The following THRB variants were observed in gnomAD, a reference collection of about 807,000 sequenced individuals.
The protein encoded by THRB is thyroid hormone receptor beta.
Under a neutral mutation model 47.8 loss-of-function variants are expected in THRB, and 12 were observed. The observed-to-expected ratio is 0.25, with a 90% CI of 0.16 to 0.41. The LOEUF (loss-of-function observed/expected upper bound fraction) is 0.41, where lower values mean the gene tolerates loss of function less well. Among genes scored for constraint, THRB ranks in the 10% least tolerant of loss-of-function variants. The pLI is 1.00. For synonymous variants in THRB, 218 were observed against 212.2 expected (o/e 1.03, Z -0.24); for missense variants, 348 against 589.2 (o/e 0.59, Z 4.24).
At chr3:24,427,377 A>G (rs1351201869) in intron 1 of THRB, among the ~76,000 whole-genome samples, 3 of 152,010 alleles carry the variant, frequency 2.0e-5, no homozygotes, top group Non-Finnish European at 2.9e-5. Context: ...TTCTGTGATT[A>G]AAAATAGCAA....
intron 4 of THRB, among the ~76,000 whole-genome samples, chr3:24,209,035 G>T (rs2045721607): frequency 6.6e-6 from 1 of 152,186 alleles, no homozygotes; most frequent in Non-Finnish European, 1.5e-5. Context: ...GATATGAACA[G>T]ACTCTTCTCA....
At chr3:24,408,229 G>T (rs994655021) in intron 1 of THRB, among the ~76,000 whole-genome samples, 2 of 151,760 alleles carry the variant, frequency 1.3e-5, no homozygotes, top group Non-Finnish European at 2.9e-5. Flanking sequence ...TCTTAGAAGT[G>T]AATAGAAATA....
rs370673780 is a variant in THRB, at chr3:24,160,345, C to A, written c.284-7855G>T. Among the ~76,000 whole-genome samples, 39 of 152,200 alleles carry A rather than the reference C, an allele frequency of 2.6e-4. 1 individual carries two copies. The East Asian group carries it at 5.0e-3, about 20-fold the overall frequency. ...AAGGGCCCCAAACCTTGAGACGGAG[C>A]CCTGTGGTGGTGCAGAGGATGGGGA... On this transcript the variant is annotated intron_variant, in intron 5 of 10. Transcript: ENST00000646209.
intron 3 of THRB, among the ~76,000 whole-genome samples, chr3:24,259,690 T>C (rs2051740297): frequency 1.4e-5 from 2 of 145,356 alleles, no homozygotes; most frequent in Admixed American, 7.1e-5. Flanking sequence ...TATCAGAGAC[T>C]AGAAGTTTGT....
intron 1 of THRB, among the ~76,000 whole-genome samples, chr3:24,488,858 C>T (rs756000748): frequency 1.3e-5 from 2 of 152,112 alleles, no homozygotes; most frequent in East Asian, 1.9e-4. Flanking sequence ...AGAGGGTTTT[C>T]GTTAAGTTCC....
chr3:24,419,590 T>G (rs1310376242), intron 1 of THRB, among the ~76,000 whole-genome samples: 1 of 151,936 alleles, frequency 6.6e-6, no homozygotes, highest in African/African-American at 2.4e-5. Context: ...AAAAATAGAA[T>G]TCAGTTCTCT....
chr3:24,205,775 A>C (rs562265753), intron 4 of THRB, among the ~76,000 whole-genome samples: 15 of 152,352 alleles, frequency 9.8e-5, no homozygotes, highest in Non-Finnish European at 1.6e-4. Flanking sequence ...GCAGAGACAC[A>C]CATAGGCTCA....
intron 5 of THRB, among the ~76,000 whole-genome samples, chr3:24,158,698 G>A (rs552729055): frequency 1.3e-5 from 2 of 152,338 alleles, no homozygotes; most frequent in South Asian, 2.1e-4. Flanking sequence ...CCAAGGTGCT[G>A]GGATTATAGG....
chr3:24,302,666 C>T (rs1392221565), intron 2 of THRB, among the ~76,000 whole-genome samples: 3 of 152,206 alleles, frequency 2.0e-5, no homozygotes, highest in Non-Finnish European at 4.4e-5. Context: ...CAACACACCA[C>T]TGCCTGCCAT....
intron 5 of THRB, among the ~76,000 whole-genome samples, chr3:24,183,489 T>G (rs1368419460): frequency 6.6e-6 from 1 of 150,472 alleles, no homozygotes; most frequent in Non-Finnish European, 1.5e-5. Flanking sequence ...TGCCTCGGCC[T>G]CCTGAGTAGC....
intron 2 of THRB, among the ~76,000 whole-genome samples, chr3:24,333,818 G>T (rs2149396550): frequency 6.6e-6 from 1 of 152,306 alleles, no homozygotes; most frequent in African/African-American, 2.4e-5. Flanking sequence ...TAGACATTTT[G>T]TCCTTTCTGA....
chr3:24,382,055 C>T (rs1283895288), intron 1 of THRB, among the ~76,000 whole-genome samples: 2 of 151,116 alleles, frequency 1.3e-5, no homozygotes, highest in African/African-American at 4.9e-5. Context: ...GAAAAAAAAA[C>T]CAGTGGAGAA....
intron 1 of THRB, among the ~76,000 whole-genome samples, chr3:24,433,081 T>C (rs568293955): frequency 1.2e-4 from 18 of 152,250 alleles, no homozygotes; most frequent in Admixed American, 5.2e-4. Context: ...TGAATGACTC[T>C]GCTTCTCAAT....
At chr3:24,402,283 G>C (rs1487574609) in intron 1 of THRB, among the ~76,000 whole-genome samples, 4 of 151,956 alleles carry the variant, frequency 2.6e-5, no homozygotes, top group Non-Finnish European at 5.9e-5. Flanking sequence ...GATCAAATTA[G>C]TTTCTAAATT....
chr3:24,436,712 G>A (rs770504341), intron 1 of THRB, among the ~76,000 whole-genome samples: 27 of 152,064 alleles, frequency 1.8e-4, no homozygotes, highest in Admixed American at 1.3e-4. Context: ...GTTATTCCCC[G>A]GTGGGGTGGC....
chr3:24,445,866 A>G (rs2072024767), intron 1 of THRB, among the ~76,000 whole-genome samples: 1 of 152,232 alleles, frequency 6.6e-6, no homozygotes, highest in Non-Finnish European at 1.5e-5. Flanking sequence ...ACGTACATCC[A>G]AAAGTGCAAT....
intron 1 of THRB, among the ~76,000 whole-genome samples, chr3:24,364,225 G>C (rs1446656064): frequency 6.6e-6 from 1 of 152,096 alleles, no homozygotes; most frequent in African/African-American, 2.4e-5. Context: ...GGCATCAGAG[G>C]AGCATGAGCA....
intron 4 of THRB, among the ~76,000 whole-genome samples, chr3:24,225,494 T>C (rs1350485998): frequency 6.6e-6 from 1 of 152,196 alleles, no homozygotes; most frequent in African/African-American, 2.4e-5. Flanking sequence ...AATGAAAACG[T>C]CAAGTACTTT....
Position 24,466,484 on chromosome 3 carries a change from G to T in THRB, c.-261+28168C>A, listed in dbSNP as rs149347371. Among the ~76,000 whole-genome samples the T allele has an allele frequency of 4.2e-3, 641 of 152,264 alleles. 6 individuals are homozygous for T. Among genetic ancestry groups the T allele is most frequent in the African/African-American group, 0.015 (620 of 41,544 alleles). On this transcript the variant is annotated intron_variant, in intron 1 of 10. Transcript: ENST00000646209. ...TGGATGGTAGGGTTCCGGAAACCCAGTGGGGAAGAGTTCTGCTGGCTCCGT... is the reference window on the plus strand; with the variant it reads ...TGGATGGTAGGGTTCCGGAAACCCATTGGGGAAGAGTTCTGCTGGCTCCGT...
Sources: allele counts gnomAD v4.1 joint callset (sites outside exome capture counted in the v4.1 genomes callset), GRCh38; gene constraint gnomAD v4.1.1; transcripts MANE v1.5; gene names NCBI Gene and HGNC (gene_info 2026-07-23, HGNC 2026-07-21).